The following DLG1 variants were observed in gnomAD, a reference collection of about 807,000 sequenced individuals.
The protein encoded by DLG1 is disks large homolog 1.
DLG1 carries 42 observed loss-of-function variants against 123.4 expected under a neutral mutation model. The ratio of observed to expected loss-of-function variants is 0.34; its 90% CI spans 0.27 to 0.44. The LOEUF (loss-of-function observed/expected upper bound fraction) is 0.44, where lower values mean the gene tolerates loss of function less well. Among genes scored for constraint, DLG1 ranks in the 20% least tolerant of loss-of-function variants. The probability of loss-of-function intolerance (pLI) is 1.00; values close to 1 mark genes in which losing one functional copy is unlikely to be tolerated. For missense variants in DLG1, 942 were observed against 1,082.6 expected (o/e 0.87, Z 1.82); for synonymous variants, 317 against 356.2 (o/e 0.89, Z 1.24).
chr3:197,107,071 A>T (rs1348264005), intron 13 of DLG1, among the ~76,000 whole-genome samples: 1 of 152,188 alleles, frequency 6.6e-6, no homozygotes, highest in Non-Finnish European at 1.5e-5. Flanking sequence ...TTCTGACCAT[A>T]CTGTACATAT....
chr3:197,130,701 C>T (rs777706848), intron 10 of DLG1, 30 bp from the exon 11 acceptor site: 2 of 1,528,430 alleles, frequency 1.3e-6, no homozygotes, highest in South Asian at 2.5e-5. Flanking sequence ...ACATTTATGA[C>T]ATATTCACTT....
chr3:197,060,732 G>A (rs1735199445), intron 22 of DLG1, among the ~76,000 whole-genome samples: 1 of 152,174 alleles, frequency 6.6e-6, no homozygotes, highest in African/African-American at 2.4e-5. Flanking sequence ...ATACAGATGA[G>A]CATTTCCATG....
intron 5 of DLG1, among the ~76,000 whole-genome samples, chr3:197,170,008 G>A (rs1381413653): frequency 6.6e-6 from 1 of 152,124 alleles, no homozygotes; most frequent in East Asian, 1.9e-4. Context: ...GAGAACATGC[G>A]GTATTTGATT....
intron 14 of DLG1, among the ~76,000 whole-genome samples, chr3:197,091,398 TA>T (rs1757652950): frequency 6.6e-6 from 1 of 151,922 alleles, no homozygotes; most frequent in African/African-American, 2.4e-5. Flanking sequence ...AAGAAACCTA[TA>T]ATAATAATTA....
intron 3 of DLG1, among the ~76,000 whole-genome samples, chr3:197,287,665 T>C (rs2151200535): frequency 6.6e-6 from 1 of 152,248 alleles, no homozygotes; most frequent in Admixed American, 6.5e-5. Context: ...AAACAGATAA[T>C]TTACAAAAGA....
chr3:197,166,785 G>C (rs1325744122), intron 5 of DLG1, among the ~76,000 whole-genome samples: 1 of 152,058 alleles, frequency 6.6e-6, no homozygotes, highest in African/African-American at 2.4e-5. Context: ...CAGCTACTTG[G>C]GAGGCTGAGC....
intron 16 of DLG1, among the ~76,000 whole-genome samples, chr3:197,082,124 C>G (rs757140909): frequency 3.3e-5 from 5 of 152,170 alleles, no homozygotes; most frequent in Admixed American, 6.5e-5. Flanking sequence ...GTAATCCCAG[C>G]ACTTTGGGAG....
intron 5 of DLG1, among the ~76,000 whole-genome samples, chr3:197,167,611 T>C (rs551189312): frequency 1.2e-4 from 18 of 152,314 alleles, no homozygotes; most frequent in African/African-American, 3.6e-4. Context: ...ACAAAGTAAC[T>C]AGCTGCAGTC....
chr3:197,129,007 T>C (rs1781189235), intron 11 of DLG1, among the ~76,000 whole-genome samples: 1 of 152,212 alleles, frequency 6.6e-6, no homozygotes, highest in African/African-American at 2.4e-5. Flanking sequence ...CATAATTCCT[T>C]GGATTTTCTG....
chr3:197,084,736 G>A (rs1753229214), intron 16 of DLG1, among the ~76,000 whole-genome samples: 1 of 140,026 alleles, frequency 7.1e-6, no homozygotes. Context: ...CAGTTCTGGT[G>A]ATTATTTTTA....
At chr3:197,260,246 T>G (rs1030001387) in intron 4 of DLG1, 2 of 435,156 alleles carry the variant, frequency 4.6e-6, no homozygotes, top group Non-Finnish European at 9.2e-6. Flanking sequence ...CAGAAAAGCA[T>G]ATTATATCTT....
At chr3:197,274,347 G>C (rs968802743) in intron 4 of DLG1, among the ~76,000 whole-genome samples, 3 of 152,120 alleles carry the variant, frequency 2.0e-5, no homozygotes, top group African/African-American at 7.2e-5. Context: ...ATGGGAAAAG[G>C]ACAGTCTCTT....
intron 21 of DLG1, 116 bp from the exon 22 acceptor site, chr3:197,065,564 A>G: frequency 1.9e-6 from 2 of 1,055,624 alleles, no homozygotes; most frequent in Non-Finnish European, 2.8e-6. Flanking sequence ...TTTAAATCTG[A>G]GAAAGGACAA....
At chr3:197,110,978 C>A (rs1028116006) in intron 13 of DLG1, among the ~76,000 whole-genome samples, 1 of 152,072 alleles carries the variant, frequency 6.6e-6, no homozygotes, top group Non-Finnish European at 1.5e-5. Flanking sequence ...ATGTGTGTGG[C>A]CTTCTGGTTC....
intron 22 of DLG1, 86 bp downstream of exon 22, chr3:197,065,190 A>T: frequency 8.2e-7 from 1 of 1,218,814 alleles, no homozygotes; most frequent in Non-Finnish European, 1.1e-6. Flanking sequence ...AAAACTAATT[A>T]GTGCTGTATC....
chr3:197,114,987 G>GAAAAA (rs375841391), intron 13 of DLG1, among the ~76,000 whole-genome samples: 25 of 86,062 alleles, frequency 2.9e-4, no homozygotes, highest in African/African-American at 1.1e-3. Flanking sequence ...CCATCTCAAG[G>GAAAAA]AAAAAAAAAA....
chr3:197,091,084 GA>G (rs1210974313), intron 14 of DLG1, 58 bp from the exon 15 acceptor site: 2 of 1,165,584 alleles, frequency 1.7e-6, no homozygotes, highest in Non-Finnish European at 2.5e-6. Context: ...GTTATTTGAA[GA>G]TAACGTATTA....
At position 197,111,738 on chromosome 3, in the gene DLG1, T is replaced by C. The variant is rs1770137043; in HGVS notation, c.1443+4189A>G. ...CTTTCTGACTTACAGCACCACAAGT[T>C]AGTGTCACCTGCTCTTGATTATCAT... On this transcript the variant is annotated intron_variant, in intron 13 of 24. Coordinates refer to ENST00000667157, the MANE Select transcript of DLG1 (RefSeq NM_001366207.1). 2.6e-5 allele frequency among the ~76,000 whole-genome samples: 4 copies of C among 152,344 alleles called. No homozygotes were observed. The South Asian group carries it at 8.3e-4, about 32-fold the overall frequency.
chr3:197,101,123 C>T (rs138856385), intron 14 of DLG1, among the ~76,000 whole-genome samples: 7 of 152,306 alleles, frequency 4.6e-5, no homozygotes, highest in African/African-American at 1.7e-4. Context: ...GTTTACTTCA[C>T]AGGCCCGTTA....
Sources: gnomAD v4.1 joint callset for allele counts (sites outside exome capture counted in the v4.1 genomes callset) on GRCh38, gnomAD v4.1.1 for gene constraint, MANE v1.5 for transcripts, NCBI Gene and HGNC (gene_info 2026-07-23, HGNC 2026-07-21) for gene names.